The following MYO1F variants were observed in gnomAD, a reference collection of about 807,000 sequenced individuals.
The protein encoded by MYO1F is myosin IF.
Under a neutral mutation model 146.6 loss-of-function variants are expected in MYO1F, and 60 were observed. The ratio of observed to expected loss-of-function variants is 0.41; its 90% CI spans 0.33 to 0.51. MYO1F has a LOEUF of 0.51. MYO1F is among the 20% of genes least tolerant of loss of function. The pLI, the probability that MYO1F is intolerant of heterozygous loss-of-function variation, is 0.25. For missense variants in MYO1F, 1,274 were observed against 1,534.3 expected (o/e 0.83, Z 2.83); for synonymous variants, 602 against 602.1 (o/e 1.00, Z 0.00).
chr19:8,544,275 A>G, intron 14 of MYO1F, 22 bp downstream of exon 14: 1 of 1,607,256 alleles, frequency 6.2e-7, no homozygotes, highest in Non-Finnish European at 8.5e-7. Context: ...GGCACAGGGT[A>G]GGGTAGGGGC....
chr19:8,521,298 A>G lies in MYO1F; in HGVS notation c.*230T>C, dbSNP rs1216720078. The G allele has an allele frequency of 1.7e-6, 1 of 583,732 alleles. No individual in the cohort carries two copies. Among genetic ancestry groups the G allele is most frequent in the African/African-American group, 1.9e-5 (1 of 53,570 alleles). The allele number at this position is 583,732 out of a possible 1,614,324, so 36.2% of individuals were successfully genotyped here. ...TTAGTCCCCTTTGACACACACAGAA[A>G]TGGAGAATGGGCAGCAGGTGTGATG... On this transcript the variant is annotated 3_prime_UTR_variant, in exon 28 of 28. Transcript: ENST00000644032.
chr19:8,566,446 C>T (rs1279591351), intron 1 of MYO1F, among the ~76,000 whole-genome samples: 4 of 151,360 alleles, frequency 2.6e-5, no homozygotes, highest in Admixed American at 6.6e-5. Context: ...GGATTACAGG[C>T]GTGAGCCACC....
In MYO1F at chr19:8,525,602, C is replaced by A. The variant is rs746950086; in HGVS notation, c.2771-40G>T. ...TCAGGGAGTTGAATGACAGACAGAC[C>A]ACGCTCTTTGCCCCGCCCACAAATC... On this transcript the variant is annotated intron_variant, in intron 24 of 27. Coordinates refer to ENST00000644032, the MANE Select transcript of MYO1F (RefSeq NM_012335.4). The A allele has an allele frequency of 2.6e-6, 4 of 1,549,146 alleles. No homozygotes were observed. In the South Asian group the frequency reaches 3.4e-5, roughly 13 times the overall value.
At chr19:8,576,964 C>T (rs144085544) in intron 1 of MYO1F, 93 of 489,816 alleles carry the variant, frequency 1.9e-4, no homozygotes, top group African/African-American at 1.5e-3. Flanking sequence ...AGAGACTGGG[C>T]TGGACTGGGA....
At chr19:8,560,355 C>A (rs929427246) in intron 1 of MYO1F, among the ~76,000 whole-genome samples, 1 of 151,562 alleles carries the variant, frequency 6.6e-6, no homozygotes, top group Non-Finnish European at 1.5e-5. Context: ...TGTGGGGGTG[C>A]GCGCCTGTAA....
intron 25 of MYO1F, among the ~76,000 whole-genome samples, chr19:8,523,481 G>A (rs1972146104): frequency 6.6e-6 from 1 of 151,834 alleles, no homozygotes; most frequent in East Asian, 1.9e-4. Context: ...AAGGGGAGCT[G>A]GGACTACAGG....
intron 16 of MYO1F, among the ~76,000 whole-genome samples, chr19:8,539,562 C>T (rs1467293923): frequency 6.6e-6 from 1 of 151,596 alleles, no homozygotes; most frequent in Non-Finnish European, 1.5e-5. Context: ...TGCCACTGCA[C>T]TCCATCCTGG....
At chr19:8,555,056 A>C (rs2145927292) in intron 2 of MYO1F, among the ~76,000 whole-genome samples, 1 of 152,090 alleles carries the variant, frequency 6.6e-6, no homozygotes, top group Admixed American at 6.6e-5. Flanking sequence ...ATGGTGGTGC[A>C]TGCCTGTAAT....
In MYO1F at chr19:8,530,431, C is replaced by T. The variant is rs144236868; in HGVS notation, c.2158+28G>A. 4.9e-4 allele frequency: 788 copies of T among 1,613,620 alleles called. 1 individual carries two copies. In the Middle Eastern group the frequency reaches 5.3e-3, roughly 11 times the overall value. ...CTCCTCCAGGTCCTTGTGCCCCCACCCCGCGCCGTTTACCCGAAGCCTCTC... is the reference window on the plus strand; with the variant it reads ...CTCCTCCAGGTCCTTGTGCCCCCACTCCGCGCCGTTTACCCGAAGCCTCTC... On this transcript the variant is annotated intron_variant, in intron 20 of 27. Transcript: ENST00000644032. This position sits in a 1 kb window ranked among gnomAD's most constrained non-coding sequence, Gnocchi z 5.8.
At chr19:8,574,972 T>C (rs1555733437) in intron 1 of MYO1F, among the ~76,000 whole-genome samples, 1 of 151,822 alleles carries the variant, frequency 6.6e-6, no homozygotes, top group Non-Finnish European at 1.5e-5. Flanking sequence ...GCCAGGCTGG[T>C]CTTGAACTCT....
In MYO1F at chr19:8,530,068, G is replaced by T. The variant is rs886162636; in HGVS notation, c.2328+128C>A. 6.9e-6 allele frequency: 9 copies of T among 1,304,072 alleles called. No homozygotes were observed. The Middle Eastern group carries it at 6.5e-4, about 95-fold the overall frequency. The allele number at this position is 1,304,072 out of a possible 1,614,324, so 80.8% of individuals were successfully genotyped here. A position where few individuals can be genotyped will look rare whatever the true frequency, so the allele number is the denominator to read the frequency against. On this transcript the variant is annotated intron_variant, in intron 21 of 27. Coordinates refer to ENST00000644032, the MANE Select transcript of MYO1F (RefSeq NM_012335.4). This position sits in a 1 kb window ranked among gnomAD's most constrained non-coding sequence, Gnocchi z 5.8. ...GGCAGGTGCATATGGGCCAGGTGAGGGTGTACCTGTGATGGAACAGATGGA... is the reference window on the plus strand; with the variant it reads ...GGCAGGTGCATATGGGCCAGGTGAGTGTGTACCTGTGATGGAACAGATGGA...
intron 13 of MYO1F, 193 bp downstream of exon 13, chr19:8,545,457 G>C: frequency 1.5e-6 from 1 of 656,026 alleles, no homozygotes; most frequent in Non-Finnish European, 2.8e-6. Flanking sequence ...TAAGTGAAAG[G>C]TGGACAAGTA....
Position 8,555,798 on chromosome 19 carries a change from TG to T in MYO1F, c.4-3del, listed in dbSNP as rs748076809. On this transcript the variant is annotated splice_polypyrimidine_tract_variant and splice_region_variant and intron_variant, in intron 1 of 27. Transcript: ENST00000644032. The stretch of plus-strand genomic sequence containing the variant: ...CCAGTGGAAGCGCTCCTTGCTGCCC[TG>T]GGGGGTGAGAGGGGGGTCGGGGTGA... 1.7e-5 allele frequency: 27 copies of T among 1,610,622 alleles called. No homozygotes were observed. Among genetic ancestry groups the T allele is most frequent in the Non-Finnish European group, 2.1e-5 (25 of 1,178,490 alleles).
chr19:8,534,703 G>A (rs1354982918), intron 19 of MYO1F, among the ~76,000 whole-genome samples: 1 of 147,406 alleles, frequency 6.8e-6, no homozygotes, highest in Non-Finnish European at 1.5e-5. Context: ...TCGGCTCACT[G>A]CAACCTCTGC....
chr19:8,575,374 C>T (rs901928352), intron 1 of MYO1F, among the ~76,000 whole-genome samples: 9 of 151,984 alleles, frequency 5.9e-5, no homozygotes, highest in African/African-American at 1.7e-4. Context: ...CGCACCCGGC[C>T]GGGCATTAGA....
At chr19:8,543,603 G>A (rs1183678133) in intron 14 of MYO1F, among the ~76,000 whole-genome samples, 1 of 151,720 alleles carries the variant, frequency 6.6e-6, no homozygotes, top group Admixed American at 6.6e-5. Flanking sequence ...CTGGATCAGA[G>A]GTCAGGGTTT....
At chr19:8,574,577 T>TTCTCTCTCTCTCTC (rs369077601) in intron 1 of MYO1F, among the ~76,000 whole-genome samples, 1 of 79,754 alleles carries the variant, frequency 1.3e-5, no homozygotes, top group Non-Finnish European at 2.4e-5. Context: ...CTTTCTTTCT[T>TTCTCTCTCTCTCTC]TCTCTCTCTC....
At chr19:8,551,586 A>T in intron 8 of MYO1F, 154 bp downstream of exon 8, 1 of 1,083,818 alleles carries the variant, frequency 9.2e-7, no homozygotes, top group Non-Finnish European at 1.4e-6. Context: ...TCCTGACCTT[A>T]AGTGATCTAC....
chr19:8,542,294 A>G (rs1973011126), intron 14 of MYO1F, among the ~76,000 whole-genome samples: 1 of 123,790 alleles, frequency 8.1e-6, no homozygotes, highest in African/African-American at 3.1e-5. Context: ...TGCAGCTTGC[A>G]TCAGAGGCCG....
Sources: allele counts gnomAD v4.1 joint callset (sites outside exome capture counted in the v4.1 genomes callset), GRCh38; gene constraint gnomAD v4.1.1; non-coding constraint Gnocchi (gnomAD v3.1); transcripts MANE v1.5; gene names NCBI Gene and HGNC (gene_info 2026-07-23, HGNC 2026-07-21).